TRAF3IP1: variants seen among roughly 807,000 people sequenced by gnomAD.
The protein encoded by TRAF3IP1 is TRAF3-interacting protein 1.
Under a neutral mutation model 89.9 loss-of-function variants are expected in TRAF3IP1, and 53 were observed. That is an observed-to-expected ratio of 0.59 (90% CI 0.47 to 0.74). TRAF3IP1 has a LOEUF of 0.74. Among genes scored for constraint, TRAF3IP1 ranks in the 30% least tolerant of loss-of-function variants. The pLI, the probability that TRAF3IP1 is intolerant of heterozygous loss-of-function variation, is 0.00. For missense variants in TRAF3IP1, 806 were observed against 866.1 expected, an observed-to-expected ratio of 0.93 and a Z score of 0.87; for synonymous variants, 311 against 322.1, an observed-to-expected ratio of 0.97 and a Z score of 0.37.
Position 238,352,935 on chromosome 2 carries a change from G to A in TRAF3IP1, c.1560G>A (p.Met520Ile). Residue 520 changes from methionine to isoleucine, a missense_variant, in exon 13 of 17, where the codon ATG (methionine) becomes ATA (isoleucine). Physicochemically the swap from Met to Ile is conservative, Grantham distance 10 (BLOSUM62 1). Around this residue, in one of 3 missense-constraint regions of TRAF3IP1, gnomAD observed 732 missense variants for 780.5 expected, o/e 0.94. Transcript: ENST00000373327. The stretch of plus-strand genomic sequence containing the variant: ...AAGCTGCCCCTCAGCTCTCTGAAAT[G>A]TCAGAAATTGAAATGGTTAGTTAAC... ...VVEAAPQLSE[M>I]SEIEMVTAVE... is the part of the protein sequence containing the mutation. The A allele has an allele frequency of 6.2e-7, 1 of 1,610,084 alleles. No homozygotes were observed. Among genetic ancestry groups the A allele is most frequent in the Non-Finnish European group, 8.5e-7 (1 of 1,179,068 alleles).
chr2:238,371,942 A>G (rs1700128290), intron 15 of TRAF3IP1, among the ~76,000 whole-genome samples: 1 of 152,226 alleles, frequency 6.6e-6, no homozygotes, highest in Non-Finnish European at 1.5e-5. Flanking sequence ...AAAATTGATT[A>G]TTGAAACTGA....
intron 15 of TRAF3IP1, among the ~76,000 whole-genome samples, chr2:238,391,852 G>A (rs1701006757): frequency 6.6e-6 from 1 of 152,160 alleles, no homozygotes; most frequent in Non-Finnish European, 1.5e-5. Flanking sequence ...GGAATTACTT[G>A]ATAGTCATTA....
chr2:238,326,026 C>CG lies in TRAF3IP1; in HGVS notation c.354+61dup, dbSNP rs1355500153. 6 of 1,554,990 alleles carry CG rather than the reference C, an allele frequency of 3.9e-6. No homozygotes were observed. The South Asian group carries it at 4.9e-5, about 13-fold the overall frequency. On this transcript the variant is annotated intron_variant, in intron 3 of 16. Coordinates refer to ENST00000373327, the MANE Select transcript of TRAF3IP1 (RefSeq NM_015650.4). ...ACTTAGTACTTGAGTAAAAAGTAGT[C>CG]GGGGGTGAGGGACTCACATGTGCGG...
At chr2:238,385,122 T>C (rs1700713547) in intron 15 of TRAF3IP1, among the ~76,000 whole-genome samples, 1 of 151,972 alleles carries the variant, frequency 6.6e-6, no homozygotes, top group Non-Finnish European at 1.5e-5. Flanking sequence ...TTCATGCCAT[T>C]CTCCTGCCTC....
At chr2:238,343,128 C>T (rs1698734799) in intron 8 of TRAF3IP1, among the ~76,000 whole-genome samples, 1 of 151,600 alleles carries the variant, frequency 6.6e-6, no homozygotes. Context: ...GGCTCTGTCA[C>T]CAGGCTGGAG....
At chr2:238,395,874 A>C (rs1203775263) in intron 15 of TRAF3IP1, among the ~76,000 whole-genome samples, 1 of 152,318 alleles carries the variant, frequency 6.6e-6, no homozygotes, top group Admixed American at 6.5e-5. Context: ...AAAAATCAGG[A>C]AACAACAGGT....
intron 15 of TRAF3IP1, among the ~76,000 whole-genome samples, chr2:238,378,811 C>G (rs1041027572): frequency 6.6e-6 from 1 of 152,202 alleles, no homozygotes; most frequent in African/African-American, 2.4e-5. Context: ...CCCCAGGCCC[C>G]AGGCTGCTGG....
chr2:238,359,707 G>T (rs1699578201), intron 15 of TRAF3IP1, among the ~76,000 whole-genome samples: 1 of 152,058 alleles, frequency 6.6e-6, no homozygotes, highest in African/African-American at 2.4e-5. Context: ...TCTTTGTTTT[G>T]ACAGATACTT....
chr2:238,326,031 G>A (rs1051421462), intron 3 of TRAF3IP1, 61 bp downstream of exon 3: 128 of 1,546,970 alleles, frequency 8.3e-5, no homozygotes, highest in Non-Finnish European at 9.5e-5. Flanking sequence ...GTAGTCGGGG[G>A]TGAGGGACTC....
chr2:238,361,201 C>A (rs937234130), intron 15 of TRAF3IP1, among the ~76,000 whole-genome samples: 3 of 151,764 alleles, frequency 2.0e-5, no homozygotes, highest in African/African-American at 7.3e-5. Context: ...CACACGCTAC[C>A]ACACCTGGCT....
At chr2:238,378,361 C>T (rs1700406743) in intron 15 of TRAF3IP1, among the ~76,000 whole-genome samples, 1 of 152,230 alleles carries the variant, frequency 6.6e-6, no homozygotes, top group Non-Finnish European at 1.5e-5. Flanking sequence ...CCATCTGGCA[C>T]CTGCCATGTG....
At chr2:238,335,490 G>A (rs991494476) in intron 7 of TRAF3IP1, among the ~76,000 whole-genome samples, 3 of 151,680 alleles carry the variant, frequency 2.0e-5, no homozygotes, top group Non-Finnish European at 4.4e-5. Context: ...TTCTATCATT[G>A]TTCTTTTCCA....
intron 15 of TRAF3IP1, among the ~76,000 whole-genome samples, chr2:238,394,191 G>A (rs963526867): frequency 2.6e-5 from 4 of 151,962 alleles, no homozygotes; most frequent in East Asian, 1.9e-4. Context: ...GTGAGACTCC[G>A]TTTCAAAAAA....
chr2:238,388,177 C>T (rs955157030), intron 15 of TRAF3IP1, among the ~76,000 whole-genome samples: 1 of 152,048 alleles, frequency 6.6e-6, no homozygotes, highest in Non-Finnish European at 1.5e-5. Context: ...GAGTTCAAGA[C>T]TAGCCTGGTC....
At chr2:238,321,921 C>T (rs1053424410) in intron 1 of TRAF3IP1, among the ~76,000 whole-genome samples, 2 of 152,200 alleles carry the variant, frequency 1.3e-5, no homozygotes, top group African/African-American at 2.4e-5. Context: ...GTTCTGCCCT[C>T]CTACCTTAGC....
Position 238,329,402 on chromosome 2 carries a change from A to G in TRAF3IP1, c.915+60A>G, listed in dbSNP as rs555156818. On this transcript the variant is annotated intron_variant, in intron 5 of 16. Coordinates refer to ENST00000373327, the MANE Select transcript of TRAF3IP1 (RefSeq NM_015650.4). Reference sequence around the variant, plus strand: ...GCAAGAGTTTGTGGTGGTCTCAAACATGATTTTTACCTTTCTTACAATATG... The same window carrying G: ...GCAAGAGTTTGTGGTGGTCTCAAACGTGATTTTTACCTTTCTTACAATATG... 7.6e-5 allele frequency: 99 copies of G among 1,304,472 alleles called. No homozygotes were observed. The South Asian group carries it at 2.7e-3, about 36-fold the overall frequency. 80.8% of individuals were successfully genotyped at this position (1,304,472 alleles called of 1,614,324 possible).
intron 11 of TRAF3IP1, 64 bp downstream of exon 11, chr2:238,348,912 C>T (rs1197161850): frequency 1.5e-6 from 2 of 1,347,812 alleles, no homozygotes; most frequent in African/African-American, 1.4e-5. Context: ...TGCTGTGCTT[C>T]TCTTTCTGGC....
chr2:238,381,477 A>T (rs1429934997), intron 15 of TRAF3IP1, among the ~76,000 whole-genome samples: 1 of 151,932 alleles, frequency 6.6e-6, no homozygotes, highest in African/African-American at 2.4e-5. Flanking sequence ...GCCCTGAGGA[A>T]CTCCCAGGTT....
At chr2:238,390,272 C>T (rs1438650320) in intron 15 of TRAF3IP1, among the ~76,000 whole-genome samples, 2 of 152,124 alleles carry the variant, frequency 1.3e-5, no homozygotes, top group African/African-American at 2.4e-5. Flanking sequence ...GGTGGTTCTG[C>T]GATGTTCACA....
Sources: gnomAD v4.1 joint callset for allele counts (sites outside exome capture counted in the v4.1 genomes callset) on GRCh38, gnomAD v4.1.1 for gene constraint, gnomAD v4.1.1 regional missense constraint, MANE v1.5 for transcripts, NCBI Gene and HGNC (gene_info 2026-07-23, HGNC 2026-07-21) for gene names.